The following ZNF266 variants were observed in gnomAD, a reference collection of about 807,000 sequenced individuals.
ZNF266 encodes the protein zinc finger protein 1.
In ZNF266, 16 loss-of-function variants were observed where a neutral mutation model predicts 16.4. The observed-to-expected ratio is 0.98, with a 90% CI of 0.66 to 1.48. The LOEUF is 1.48. Among genes scored for constraint, ZNF266 ranks in the 40% most tolerant of loss-of-function variants. ZNF266 has a pLI of 0.00. For missense variants in ZNF266, 738 were observed against 689.1 expected (o/e 1.07, Z -0.79); for synonymous variants, 262 against 237.9 (o/e 1.10, Z -0.93).
rs369159774 is a variant in ZNF266, at chr19:9,413,349, C to T, written c.1777G>A (p.Gly593Arg). The change falls in exon 11 of 11, where the codon GGG becomes AGG. Residue 593 changes from glycine to arginine, a missense_variant. Transcript: ENST00000592904. ...GAACTGGAAGAACTGAAGGCTTTCC[C>T]GCACTCCTTACATTCATAGGGTTTC... ...GEKPYECKEC[G>R]KAFSSSSSFR... 1.0e-4 allele frequency: 166 copies of T among 1,613,386 alleles called. No homozygotes were observed. The highest frequency in any genetic ancestry group is 1.6e-4 in the Middle Eastern group (1 of 6,082).
chr19:9,414,422 T>C lies in ZNF266; in HGVS notation c.704A>G (p.His235Arg). Residue 235 changes from histidine (H) to arginine (R), a missense_variant, in exon 11 of 11, where the codon CAT becomes CGT. Physicochemically the swap from His to Arg is conservative, Grantham distance 29. Transcript: ENST00000592904. ...TCTTAAATGTCCCTGAAGGTGTGAA[T>C]GATTAATGAAGGATTTCCCAGAGTC... is the stretch of plus-strand genomic sequence containing the variant. ...CSDSGKSFIN[H>R]SHLQGHLRTH... is the part of the protein sequence containing the mutation. The C allele has an allele frequency of 6.2e-7, 1 of 1,614,188 alleles. No individual in the cohort carries two copies.
intron 5 of ZNF266, among the ~76,000 whole-genome samples, chr19:9,430,301 C>G (rs995970075): frequency 8.5e-5 from 13 of 152,132 alleles, no homozygotes; most frequent in African/African-American, 2.9e-4. Context: ...AAGGTGGCTG[C>G]TTTCTTTGTC....
intron 5 of ZNF266, among the ~76,000 whole-genome samples, chr19:9,429,431 G>A (rs1046828519): frequency 2.0e-5 from 3 of 151,914 alleles, no homozygotes; most frequent in Non-Finnish European, 2.9e-5. Flanking sequence ...TTAACGGTTC[G>A]TCTTACTAGA....
chr19:9,432,763 T>G (rs1441223388), intron 5 of ZNF266, among the ~76,000 whole-genome samples: 1 of 145,586 alleles, frequency 6.9e-6, no homozygotes, highest in Non-Finnish European at 1.5e-5. Flanking sequence ...TGAATTGGTA[T>G]GTGATGGCAG....
chr19:9,430,750 C>T (rs2071466838), intron 5 of ZNF266, among the ~76,000 whole-genome samples: 2 of 152,124 alleles, frequency 1.3e-5, no homozygotes, highest in South Asian at 4.1e-4. Context: ...ACCTACTGGC[C>T]AACATCAGTC....
rs775919006 is a variant in ZNF266 at position 9,413,284 on chromosome 19, C to CA, written c.1841dup (p.Ser615ValfsTer28). On this transcript the variant is annotated frameshift_variant, in exon 11 of 11. Coordinates refer to ENST00000592904, the MANE Select transcript of ZNF266 (RefSeq NM_001370374.1). LOFTEE classifies it high-confidence loss of function. Reference sequence around the variant, plus strand: ...GGTTTTCCCACATTCCTTATGCTGACAGTCTCTCATCCGCATGCCTTCTTT... The same window carrying CA: ...GGTTTTCCCACATTCCTTATGCTGACAAGTCTCTCATCCGCATGCCTTCTTT... 2.5e-6 allele frequency: 4 copies of CA among 1,581,416 alleles called. No homozygotes were observed. Among genetic ancestry groups the CA allele is most frequent in the South Asian group, 2.4e-5 (2 of 85,052 alleles).
intron 10 of ZNF266, 22 bp downstream of exon 10, chr19:9,415,632 G>C (rs750352420): frequency 6.3e-7 from 1 of 1,574,916 alleles, no homozygotes; most frequent in Non-Finnish European, 8.7e-7. Context: ...TGAAAACTAA[G>C]ACGTATCCTT....
Position 9,413,134 on chromosome 19 carries a change from TCTC to T in ZNF266, c.*138_*140del, listed in dbSNP as rs1320168348. 2.9e-6 allele frequency: 3 copies of T among 1,046,780 alleles called. No individual in the cohort carries two copies. Among genetic ancestry groups the T allele is most frequent in the East Asian group, 5.0e-5 (2 of 40,068 alleles). 64.8% of individuals were successfully genotyped at this position (1,046,780 alleles called of 1,614,324 possible). A position where few individuals can be genotyped will look rare whatever the true frequency, so the allele number is the denominator to read the frequency against. On this transcript the variant is annotated 3_prime_UTR_variant, in exon 11 of 11. Coordinates refer to ENST00000592904, the MANE Select transcript of ZNF266 (RefSeq NM_001370374.1). Reference sequence around the variant, plus strand: ...TTCCACATTCCCTGATGCAGGGTCTTCTCCACTGTGAATTCATATGTGTTCATT... The same window carrying T: ...TTCCACATTCCCTGATGCAGGGTCTTCACTGTGAATTCATATGTGTTCATT...
At chr19:9,425,492 C>A (rs1210881099) in intron 5 of ZNF266, among the ~76,000 whole-genome samples, 1 of 152,166 alleles carries the variant, frequency 6.6e-6, no homozygotes, top group East Asian at 1.9e-4. Flanking sequence ...CCCCCTAGAC[C>A]AAAACAGAGG....
intron 5 of ZNF266, among the ~76,000 whole-genome samples, chr19:9,421,024 TA>T (rs2069790850): frequency 1.0e-5 from 1 of 98,840 alleles, no homozygotes; most frequent in Non-Finnish European, 2.3e-5. Flanking sequence ...CAACAGAATG[TA>T]TTTTAATTTA....
At chr19:9,417,456 T>C (rs547387932) in intron 9 of ZNF266, among the ~76,000 whole-genome samples, 27 of 151,508 alleles carry the variant, frequency 1.8e-4, no homozygotes, top group African/African-American at 6.5e-4. Flanking sequence ...TGGCTAAGCG[T>C]GGTGGCTCAC....
intron 5 of ZNF266, among the ~76,000 whole-genome samples, chr19:9,424,454 T>C (rs56221935): frequency 0.61 from 92,067 of 151,472 alleles, 28,565 homozygotes; most frequent in African/African-American, 0.73. Flanking sequence ...AGATTTGTAT[T>C]GCTCCTCCCT....
rs368277359 is a variant in ZNF266, at chr19:9,415,708, C to T, written c.351G>A (p.Glu117=). Residue 117 remains glutamate (E), a synonymous_variant, in exon 10 of 11, where the codon GAG becomes GAA. Coordinates refer to ENST00000592904, the MANE Select transcript of ZNF266 (RefSeq NM_001370374.1). ...SEWKVQLKTK[E]LALQQDVLGE... is the part of the protein sequence containing the mutation. Reference sequence around the variant, plus strand: ...CCAAAACATCCTGCTGAAGGGCTAACTCTTTGGTTTTAAGTTGCACTTTCC... The same window carrying T: ...CCAAAACATCCTGCTGAAGGGCTAATTCTTTGGTTTTAAGTTGCACTTTCC... 1.2e-6 allele frequency: 2 copies of T among 1,613,338 alleles called. No individual in the cohort carries two copies. Among genetic ancestry groups the T allele is most frequent in the East Asian group, 2.2e-5 (1 of 44,836 alleles).
In ZNF266 at chr19:9,414,165, G is replaced by A. The variant is rs767054019; in HGVS notation, c.961C>T (p.Gln321Ter). The A allele has an allele frequency of 1.9e-6, 3 of 1,613,162 alleles. No homozygotes were observed. Among genetic ancestry groups the A allele is most frequent in the Non-Finnish European group, 1.7e-6 (2 of 1,179,728 alleles). ...TGAGTTTTTCTGTGCTGAGTAAGTT[G>A]ACAAGACCTGGTGAAGGCTTTCCCA... ...ECGKAFTRSCQLTQHRKTHTG... is the reference protein window; with the variant it reads ...ECGKAFTRSC The change falls in exon 11 of 11, where the codon CAA (glutamine) becomes TAA (stop). Residue 321 changes from glutamine (Q) to a stop codon, truncating the protein, a stop_gained. Coordinates refer to ENST00000592904, the MANE Select transcript of ZNF266 (RefSeq NM_001370374.1). LOFTEE classifies it low-confidence loss of function (END_TRUNC).
chr19:9,417,949 C>A (rs1256982775), intron 8 of ZNF266, 41 bp from the exon 9 acceptor site: 7 of 1,574,258 alleles, frequency 4.4e-6, no homozygotes, highest in East Asian at 2.2e-5. Flanking sequence ...GAGGCTCATG[C>A]AAGAGATGAT....
intron 9 of ZNF266, among the ~76,000 whole-genome samples, chr19:9,417,467 G>A (rs375895444): frequency 6.6e-5 from 10 of 151,690 alleles, no homozygotes; most frequent in African/African-American, 2.2e-4. Context: ...GGTGGCTCAC[G>A]CCTGTAATCC....
intron 5 of ZNF266, among the ~76,000 whole-genome samples, chr19:9,422,160 CT>C (rs56091445): frequency 3.3e-5 from 5 of 151,592 alleles, no homozygotes; most frequent in Non-Finnish European, 7.4e-5. Flanking sequence ...ACAACAAAAC[CT>C]TTTTTTTATC....
At chr19:9,421,980 A>T (rs149731070) in intron 5 of ZNF266, among the ~76,000 whole-genome samples, 2,890 of 152,144 alleles carry the variant, frequency 0.019, 57 homozygotes, top group African/African-American at 0.044. Context: ...CCTCCCGAGT[A>T]GCTGGGACTA....
chr19:9,421,447 A>T (rs1405499381), intron 5 of ZNF266, among the ~76,000 whole-genome samples: 1 of 152,250 alleles, frequency 6.6e-6, no homozygotes, highest in Non-Finnish European at 1.5e-5. Flanking sequence ...TTAGGTATTC[A>T]GTGGATGAAT....
Sources: gnomAD v4.1 joint callset for allele counts (sites outside exome capture counted in the v4.1 genomes callset) on GRCh38, gnomAD v4.1.1 for gene constraint, MANE v1.5 for transcripts, NCBI Gene and HGNC (gene_info 2026-07-23, HGNC 2026-07-21) for gene names.